PALM: variants seen among roughly 807,000 people sequenced by gnomAD.
The protein encoded by PALM is paralemmin-1.
PALM carries 18 observed loss-of-function variants against 30.7 expected under a neutral mutation model. The observed-to-expected ratio is 0.59, with a 90% CI of 0.41 to 0.87. The LOEUF (loss-of-function observed/expected upper bound fraction) is 0.87. Ranked by LOEUF, PALM falls within the 40% of genes least tolerant of loss-of-function variation. PALM has a pLI of 0.00. For missense variants in PALM, 529 were observed against 555.4 expected (o/e 0.95, Z 0.48); for synonymous variants, 286 against 242.8 (o/e 1.18, Z -1.66).
intron 7 of PALM, among the ~76,000 whole-genome samples, chr19:737,716 C>CG (rs1231508151): frequency 6.6e-6 from 1 of 152,134 alleles, no homozygotes; most frequent in Non-Finnish European, 1.5e-5. Flanking sequence ...GCAAAGGCCC[C>CG]GGGGCAGGAC....
intron 8 of PALM, among the ~76,000 whole-genome samples, chr19:744,884 T>TA (rs1568235066): frequency 2.3e-3 from 207 of 89,492 alleles, no homozygotes; most frequent in African/African-American, 8.0e-3. Context: ...ACAGAGGGAG[T>TA]CAAAAAAAAA....
Position 746,166 on chromosome 19 carries a change from C to T in PALM, c.635-119C>T. ...ACGGTGTAATCTAGTTCGTGATTTC[C>T]TCTTTAGCCTGGAGGAGGATACAAG... is the stretch of plus-strand genomic sequence containing the variant. On this transcript the variant is annotated intron_variant, in intron 8 of 8. Transcript: ENST00000338448. The surrounding 1 kb of genome is among the most constrained non-coding windows in gnomAD (Gnocchi z 7.1). The T allele has an allele frequency of 1.4e-6, 1 of 716,794 alleles. No homozygotes were observed. The highest frequency in any genetic ancestry group is 1.8e-5 in the African/African-American group (1 of 56,536). 44.4% of individuals were successfully genotyped at this position (716,794 alleles called of 1,614,324 possible). A position where few individuals can be genotyped will look rare whatever the true frequency, so the allele number is the denominator to read the frequency against.
chr19:710,706 G>T (rs2032049906), intron 1 of PALM, among the ~76,000 whole-genome samples: 1 of 136,242 alleles, frequency 7.3e-6, no homozygotes, highest in African/African-American at 2.8e-5. Context: ...GGGCCTCGGT[G>T]CCTCCTGCTC....
intron 5 of PALM, among the ~76,000 whole-genome samples, chr19:733,594 G>A (rs1479826924): frequency 3.3e-5 from 5 of 152,196 alleles, no homozygotes; most frequent in Non-Finnish European, 7.4e-5. Context: ...GATCGCTTGA[G>A]AGCAGGAGTG....
intron 8 of PALM, among the ~76,000 whole-genome samples, chr19:744,579 C>T (rs1485509386): frequency 6.6e-6 from 1 of 151,986 alleles, no homozygotes; most frequent in Non-Finnish European, 1.5e-5. Context: ...ATCAAATACA[C>T]CCATAGATGG....
chr19:744,481 A>G (rs978829382), intron 8 of PALM, among the ~76,000 whole-genome samples: 2 of 152,226 alleles, frequency 1.3e-5, no homozygotes, highest in Non-Finnish European at 2.9e-5. Flanking sequence ...GAAAATGCAT[A>G]GCCTTTAGGG....
chr19:716,734 C>T (rs191140630), intron 1 of PALM, among the ~76,000 whole-genome samples: 175 of 152,274 alleles, frequency 1.1e-3, no homozygotes, highest in African/African-American at 3.8e-3. Context: ...TGGGAAGGAC[C>T]CCAGCCCCTG....
Position 725,341 on chromosome 19 carries a change from C to T in PALM, c.6-797C>T, listed in dbSNP as rs1472082524. Among the ~76,000 whole-genome samples the T allele has an allele frequency of 2.7e-5, 4 of 148,616 alleles. No individual in the cohort carries two copies. The East Asian group carries it at 6.2e-4, about 23-fold the overall frequency. On this transcript the variant is annotated intron_variant, in intron 1 of 8. Transcript: ENST00000338448. ...TGGGAGGCCAAGGCGGGCGGATCACCTGAGGTCAGGAGTTCGAGACCAGCC... is the reference window on the plus strand; with the variant it reads ...TGGGAGGCCAAGGCGGGCGGATCACTTGAGGTCAGGAGTTCGAGACCAGCC...
At chr19:726,910 G>C (rs28452452) in intron 2 of PALM, 98 bp from the exon 3 acceptor site, 1 of 763,050 alleles carries the variant, frequency 1.3e-6, no homozygotes. Flanking sequence ...TCCCCGGACA[G>C]AGGAAGCAGG....
intron 1 of PALM, chr19:719,281 C>T (rs1568220429): frequency 2.0e-6 from 2 of 985,332 alleles, no homozygotes; most frequent in South Asian, 4.7e-5. Flanking sequence ...TGGGCCCTTC[C>T]AACACCAACG....
chr19:712,486 C>T (rs1445411761), intron 1 of PALM, among the ~76,000 whole-genome samples: 2 of 151,730 alleles, frequency 1.3e-5, no homozygotes, highest in African/African-American at 2.4e-5. Context: ...TGGGTTCAAG[C>T]GGTTCTCCTG....
Position 746,813 on chromosome 19 carries a change from G to A in PALM, c.1163G>A (p.Ter388=), listed in dbSNP as rs1049056291. Residue 388 remains the stop codon, a stop_retained_variant, in exon 9 of 9, where the codon TGA becomes TAA. Transcript: ENST00000338448. The surrounding 1 kb of genome is among the most constrained non-coding windows in gnomAD (Gnocchi z 7.1). ...KHRCKCCSIM[*] Reference sequence around the variant, plus strand: ...CGTTGTAAATGCTGCTCCATCATGTGAGCCGGCCCCCGAGACCCCGGCCCC... The same window carrying A: ...CGTTGTAAATGCTGCTCCATCATGTAAGCCGGCCCCCGAGACCCCGGCCCC... The A allele has an allele frequency of 1.9e-5, 29 of 1,520,848 alleles. No homozygotes were observed. Among genetic ancestry groups the A allele is most frequent in the Non-Finnish European group, 2.4e-5 (27 of 1,137,686 alleles). 94.2% of individuals were successfully genotyped at this position (1,520,848 alleles called of 1,614,324 possible).
intron 1 of PALM, among the ~76,000 whole-genome samples, chr19:716,538 G>A (rs1008332772): frequency 1.3e-5 from 2 of 152,218 alleles, no homozygotes; most frequent in Non-Finnish European, 2.9e-5. Flanking sequence ...GGTGGGCAGA[G>A]GCTGTGGGCA....
intron 1 of PALM, among the ~76,000 whole-genome samples, chr19:718,898 G>A (rs2032360293): frequency 6.6e-6 from 1 of 152,142 alleles, no homozygotes; most frequent in South Asian, 2.1e-4. Context: ...AGGGCCGGGG[G>A]TGCCAGCGCT....
chr19:746,012 C>A lies in PALM; in HGVS notation c.635-273C>A, dbSNP rs1055662492. On this transcript the variant is annotated intron_variant, in intron 8 of 8. Transcript: ENST00000338448. The surrounding 1 kb of genome is among the most constrained non-coding windows in gnomAD (Gnocchi z 7.1). The stretch of plus-strand genomic sequence containing the variant: ...GGTGGAGCTTGCAGTGAGCTGAGAT[C>A]ACGCCATTGCACTCCAGCCTGGGCG... Among the ~76,000 whole-genome samples, 1 of 151,840 alleles carries A rather than the reference C, an allele frequency of 6.6e-6. No individual in the cohort carries two copies. The highest frequency in any genetic ancestry group is 1.5e-5 in the Non-Finnish European group (1 of 67,946).
rs202154276 is a variant in PALM, at chr19:709,913, G to GT, written c.5+762_5+763insT. ...CCGCATGGCTGCGCCTGTGTGTGTGGGGGGGGGGTGGCCAGTGGAGGCACC... is the reference window on the plus strand; with the variant it reads ...CCGCATGGCTGCGCCTGTGTGTGTGGTGGGGGGGGTGGCCAGTGGAGGCACC... On this transcript the variant is annotated intron_variant, in intron 1 of 8. Coordinates refer to ENST00000338448, the MANE Select transcript of PALM (RefSeq NM_002579.3). This position sits in a 1 kb window ranked among gnomAD's most constrained non-coding sequence, Gnocchi z 4.3. Among the ~76,000 whole-genome samples the GT allele has an allele frequency of 0.046, 5,986 of 129,400 alleles. 179 individuals carry two copies. The highest frequency in any genetic ancestry group is 0.11 in the African/African-American group (3,348 of 31,404). The allele number at this position is 129,400 out of a possible 152,430, so 84.9% of individuals were successfully genotyped here.
intron 1 of PALM, among the ~76,000 whole-genome samples, chr19:721,257 A>AATTATT (rs765891066): frequency 6.6e-6 from 1 of 151,920 alleles, no homozygotes; most frequent in Non-Finnish European, 1.5e-5. Flanking sequence ...GGGTCTGATT[A>AATTATT]ATTATTATTA....
intron 8 of PALM, among the ~76,000 whole-genome samples, chr19:740,910 C>T (rs373678042): frequency 6.6e-6 from 1 of 150,612 alleles, no homozygotes; most frequent in African/African-American, 2.4e-5. Context: ...GGAGGAGGAT[C>T]GCTTGAGCCC....
intron 5 of PALM, among the ~76,000 whole-genome samples, chr19:733,376 G>A (rs2032928931): frequency 6.6e-6 from 1 of 152,220 alleles, no homozygotes; most frequent in Admixed American, 6.5e-5. Context: ...GACGTGATGA[G>A]GGAAGAGTGC....
Sources: gnomAD v4.1 joint callset for allele counts (sites outside exome capture counted in the v4.1 genomes callset) on GRCh38, gnomAD v4.1.1 for gene constraint, Gnocchi (gnomAD v3.1) non-coding constraint, MANE v1.5 for transcripts, NCBI Gene and HGNC (gene_info 2026-07-23, HGNC 2026-07-21) for gene names.